The following LOC128462377 variants were observed in gnomAD, a reference collection of about 807,000 sequenced individuals.
the LOC128462377 span, among the ~76,000 whole-genome samples, chr16:89,343,489 ATG>A: frequency 1.3e-5 from 2 of 152,202 alleles, no homozygotes; most frequent in Non-Finnish European, 1.5e-5. Context: ...CACATAATGT[ATG>A]TGTGAGTGAG....
chr16:89,385,306 T>G, the LOC128462377 span, among the ~76,000 whole-genome samples: 96 of 151,966 alleles, frequency 6.3e-4, no homozygotes, highest in Middle Eastern at 3.4e-3. Flanking sequence ...TTTGTGTATT[T>G]TTAGTAGAGA....
chr16:89,398,323 C>G, the LOC128462377 span, among the ~76,000 whole-genome samples: 2 of 136,806 alleles, frequency 1.5e-5, no homozygotes, highest in Non-Finnish European at 3.2e-5. Context: ...CACTGTGAAA[C>G]AGCTGAAGAC....
At chr16:89,406,109 CAA>C in the LOC128462377 span, among the ~76,000 whole-genome samples, 11 of 49,626 alleles carry the variant, frequency 2.2e-4, no homozygotes, top group Non-Finnish European at 3.7e-4. Flanking sequence ...GATTCCATCT[CAA>C]AAAAAAAAAA....
chr16:89,380,254 AG>A, the LOC128462377 span, among the ~76,000 whole-genome samples: 2 of 152,158 alleles, frequency 1.3e-5, no homozygotes, highest in Non-Finnish European at 2.9e-5. Flanking sequence ...TTGGTATTAC[AG>A]GCATGTGCCA....
the LOC128462377 span, among the ~76,000 whole-genome samples, chr16:89,392,201 T>G: frequency 6.6e-6 from 1 of 152,234 alleles, no homozygotes. Context: ...TCATTCGGTG[T>G]ACTCTCGTGG....
At chr16:89,379,204 AG>A in the LOC128462377 span, among the ~76,000 whole-genome samples, 3 of 152,210 alleles carry the variant, frequency 2.0e-5, no homozygotes, top group African/African-American at 7.2e-5. Flanking sequence ...CCGGCGGGCT[AG>A]AAGGGGTGCA....
chr16:89,411,340 T>C, the LOC128462377 span, among the ~76,000 whole-genome samples: 29 of 152,234 alleles, frequency 1.9e-4, no homozygotes, highest in Admixed American at 1.9e-3. Flanking sequence ...TGGGAAACCT[T>C]GACTGCACCG....
chr16:89,387,248 T>C, the LOC128462377 span, among the ~76,000 whole-genome samples: 2 of 150,044 alleles, frequency 1.3e-5, no homozygotes, highest in African/African-American at 4.9e-5. Context: ...AAAAAGCATC[T>C]CTCAAGGGAG....
At chr16:89,348,594 A>C in the LOC128462377 span, among the ~76,000 whole-genome samples, 4 of 152,202 alleles carry the variant, frequency 2.6e-5, no homozygotes, top group Non-Finnish European at 5.9e-5. Flanking sequence ...CTTTGTGGGA[A>C]GGGTGTTAAC....
the LOC128462377 span, among the ~76,000 whole-genome samples, chr16:89,384,844 C>CATGTG: frequency 0.013 from 1,784 of 142,246 alleles, 41 homozygotes; most frequent in African/African-American, 0.039. Context: ...TGTGTAAGAA[C>CATGTG]ATGTGTGTGG....
chr16:89,348,701 T>C, the LOC128462377 span, among the ~76,000 whole-genome samples: 1 of 152,200 alleles, frequency 6.6e-6, no homozygotes, highest in East Asian at 1.9e-4. Context: ...AGAATTTGTC[T>C]ATTTCATCTC....
At chr16:89,375,755 C>T in the LOC128462377 span, among the ~76,000 whole-genome samples, 2 of 143,634 alleles carry the variant, frequency 1.4e-5, no homozygotes, top group Non-Finnish European at 3.0e-5. Context: ...TGCACCCAGC[C>T]GACTCCGTCT....
the LOC128462377 span, among the ~76,000 whole-genome samples, chr16:89,333,406 C>T: frequency 1.3e-5 from 2 of 152,160 alleles, no homozygotes; most frequent in South Asian, 4.1e-4. Flanking sequence ...CAGGGTCCAC[C>T]GGGTGCTGTG....
chr16:89,393,117 T>C, the LOC128462377 span, among the ~76,000 whole-genome samples: 234 of 152,192 alleles, frequency 1.5e-3, no homozygotes, highest in African/African-American at 5.5e-3. Context: ...TTCACCTGCA[T>C]ACCTTCTCTC....
the LOC128462377 span, among the ~76,000 whole-genome samples, chr16:89,368,847 T>A: frequency 6.6e-6 from 1 of 151,816 alleles, no homozygotes; most frequent in Non-Finnish European, 1.5e-5. Context: ...CCACAGTGAG[T>A]CCTGACCAAG....
the LOC128462377 span, among the ~76,000 whole-genome samples, chr16:89,367,090 G>C: frequency 1.3e-5 from 2 of 152,204 alleles, no homozygotes; most frequent in South Asian, 4.2e-4. Flanking sequence ...ACTCCAAGAT[G>C]CCACCCCGAG....
At chr16:89,382,468 G>A in the LOC128462377 span, among the ~76,000 whole-genome samples, 1 of 151,980 alleles carries the variant, frequency 6.6e-6, no homozygotes, top group East Asian at 1.9e-4. Context: ...TGGGATCACA[G>A]GTGCGTGCCA....
chr16:89,396,507 T>C, the LOC128462377 span, among the ~76,000 whole-genome samples: 2 of 152,206 alleles, frequency 1.3e-5, no homozygotes, highest in South Asian at 4.1e-4. Flanking sequence ...AAAAGCTATT[T>C]ATTAAAAATA....
At chr16:89,390,320 G>A in the LOC128462377 span, among the ~76,000 whole-genome samples, 1 of 150,592 alleles carries the variant, frequency 6.6e-6, no homozygotes, top group African/African-American at 2.4e-5. Context: ...GTGGCGTGGA[G>A]CACAGACAGA....
Sources: allele counts gnomAD v4.1 joint callset (sites outside exome capture counted in the v4.1 genomes callset), GRCh38; gene constraint gnomAD v4.1.1; transcripts MANE v1.5.